TNR: variants seen among roughly 807,000 people sequenced by gnomAD.
TNR encodes the protein tenascin-R.
A neutral mutation model predicts 150.4 loss-of-function variants in TNR; 45 were observed. The ratio of observed to expected loss-of-function variants is 0.30; its 90% CI spans 0.24 to 0.38. TNR has a LOEUF of 0.38. Ranked by LOEUF, TNR falls within the 10% of genes least tolerant of loss-of-function variation. The pLI, the probability that TNR is intolerant of heterozygous loss-of-function variation, is 1.00. For synonymous variants in TNR, 687 were observed against 678.4 expected (o/e 1.01, Z -0.20); for missense variants, 1,544 against 1,759.1 (o/e 0.88, Z 2.19).
chr1:175,459,151 T>C (rs1656705720), intron 2 of TNR, among the ~76,000 whole-genome samples: 1 of 151,300 alleles, frequency 6.6e-6, no homozygotes, highest in South Asian at 2.1e-4. Context: ...CCTCCACCAC[T>C]ACCACCAACA....
intron 2 of TNR, among the ~76,000 whole-genome samples, chr1:175,490,494 CAG>C (rs541226858): frequency 1.0e-3 from 158 of 152,190 alleles, no homozygotes; most frequent in African/African-American, 3.6e-3. Context: ...GTCTAATATC[CAG>C]AGTCTATAAG....
chr1:175,374,006 C>T (rs997494618), intron 9 of TNR, among the ~76,000 whole-genome samples: 2 of 152,220 alleles, frequency 1.3e-5, no homozygotes, highest in African/African-American at 4.8e-5. Context: ...TGTGACTTCG[C>T]CCAAAGGAGG....
intron 18 of TNR, among the ~76,000 whole-genome samples, chr1:175,348,050 C>G (rs1650881149): frequency 6.6e-6 from 1 of 152,054 alleles, no homozygotes; most frequent in African/African-American, 2.4e-5. Flanking sequence ...TAAGAGAGTT[C>G]AGCAGGATTG....
intron 1 of TNR, among the ~76,000 whole-genome samples, chr1:175,656,381 T>G (rs1665178496): frequency 6.6e-6 from 1 of 152,118 alleles, no homozygotes; most frequent in Admixed American, 6.6e-5. Context: ...ATTTTTCAGT[T>G]CCTACTGACC....
chr1:175,418,594 C>T (rs982042359), intron 2 of TNR, among the ~76,000 whole-genome samples: 6 of 152,104 alleles, frequency 3.9e-5, no homozygotes, highest in Non-Finnish European at 8.8e-5. Context: ...TGGTGGCACA[C>T]GCCTGTAATC....
At chr1:175,476,766 C>A (rs1657559068) in intron 2 of TNR, among the ~76,000 whole-genome samples, 1 of 152,192 alleles carries the variant, frequency 6.6e-6, no homozygotes, top group African/African-American at 2.4e-5. Context: ...GTAATAGAGA[C>A]ATATTACCTG....
At chr1:175,492,032 T>TA (rs1557966717) in intron 2 of TNR, among the ~76,000 whole-genome samples, 2 of 152,220 alleles carry the variant, frequency 1.3e-5, no homozygotes, top group African/African-American at 4.8e-5. Context: ...CCACTCATTG[T>TA]GGCCAAAGGC....
chr1:175,717,066 T>A (rs1226080465), intron 1 of TNR, among the ~76,000 whole-genome samples: 1 of 152,218 alleles, frequency 6.6e-6, no homozygotes, highest in Non-Finnish European at 1.5e-5. Flanking sequence ...CTATGCTCTG[T>A]GGTCTTGCCA....
intron 2 of TNR, among the ~76,000 whole-genome samples, chr1:175,412,553 A>G (rs924182526): frequency 2.0e-5 from 3 of 151,992 alleles, no homozygotes; most frequent in Non-Finnish European, 2.9e-5. Flanking sequence ...TCATTTTTCC[A>G]GAACAATTCT....
At chr1:175,368,197 C>A (rs1265201041) in intron 9 of TNR, among the ~76,000 whole-genome samples, 9 of 152,224 alleles carry the variant, frequency 5.9e-5, no homozygotes, top group Admixed American at 2.6e-4. Flanking sequence ...AAAGTGGATT[C>A]TCTTACAGTT....
intron 1 of TNR, among the ~76,000 whole-genome samples, chr1:175,699,551 G>T (rs924871750): frequency 6.6e-6 from 1 of 152,110 alleles, no homozygotes; most frequent in Non-Finnish European, 1.5e-5. Flanking sequence ...ATCAGTGAGG[G>T]CTAAGCAGGC....
chr1:175,597,882 C>T (rs766716250), intron 1 of TNR, among the ~76,000 whole-genome samples: 7 of 152,136 alleles, frequency 4.6e-5, no homozygotes, highest in East Asian at 1.9e-4. Context: ...GGCTCATTTC[C>T]ATTGTTCTCT....
intron 1 of TNR, among the ~76,000 whole-genome samples, chr1:175,651,516 A>G (rs1664996356): frequency 6.6e-6 from 1 of 152,164 alleles, no homozygotes; most frequent in Non-Finnish European, 1.5e-5. Context: ...AAAAAAACCC[A>G]GATAAAATAT....
At chr1:175,433,727 A>C (rs1655374832) in intron 2 of TNR, among the ~76,000 whole-genome samples, 1 of 152,214 alleles carries the variant, frequency 6.6e-6, no homozygotes, top group Admixed American at 6.5e-5. Context: ...TTCCCTTGGA[A>C]ACATGAAAAA....
chr1:175,399,986 G>A (rs1653620369), intron 4 of TNR, among the ~76,000 whole-genome samples: 1 of 152,194 alleles, frequency 6.6e-6, no homozygotes, highest in South Asian at 2.1e-4. Flanking sequence ...ATCTCCGCAG[G>A]TCTGACTGAA....
intron 2 of TNR, among the ~76,000 whole-genome samples, chr1:175,512,351 G>T (rs1337033852): frequency 1.3e-5 from 2 of 152,220 alleles, no homozygotes; most frequent in African/African-American, 2.4e-5. Flanking sequence ...ATCTTTATCA[G>T]ACACTCAAAG....
At chr1:175,402,802 G>C (rs964041004) in intron 4 of TNR, among the ~76,000 whole-genome samples, 2 of 152,092 alleles carry the variant, frequency 1.3e-5, no homozygotes, top group Admixed American at 1.3e-4. Context: ...CTTGCCTAAG[G>C]TGGTCCCATG....
chr1:175,740,017 A>T (rs1036860599), intron 1 of TNR, among the ~76,000 whole-genome samples: 1 of 152,182 alleles, frequency 6.6e-6, no homozygotes, highest in Non-Finnish European at 1.5e-5. Flanking sequence ...TTCACATTTG[A>T]TTGTTGGTTT....
At chr1:175,603,552 T>G (rs901477997) in intron 1 of TNR, among the ~76,000 whole-genome samples, 3 of 152,244 alleles carry the variant, frequency 2.0e-5, no homozygotes, top group African/African-American at 4.8e-5. Flanking sequence ...AATGATGCTT[T>G]GATGAATTCT....
Sources: allele counts gnomAD v4.1 joint callset (sites outside exome capture counted in the v4.1 genomes callset), GRCh38; gene constraint gnomAD v4.1.1; transcripts MANE v1.5; gene names NCBI Gene and HGNC (gene_info 2026-07-23, HGNC 2026-07-21).